MLLT10: variants seen among roughly 807,000 people sequenced by gnomAD.
MLLT10 encodes the protein protein AF-10.
MLLT10 carries 30 observed loss-of-function variants against 129.1 expected under a neutral mutation model. The ratio of observed to expected loss-of-function variants is 0.23; its 90% confidence interval spans 0.17 to 0.32. The LOEUF (loss-of-function observed/expected upper bound fraction) is 0.32, where lower values mean the gene tolerates loss of function less well. MLLT10 is among the 10% of genes least tolerant of loss of function. MLLT10 has a pLI of 1.00. For synonymous variants in MLLT10, 490 were observed against 446.4 expected (o/e 1.10, Z -1.23); for missense variants, 1,119 against 1,268.3 (o/e 0.88, Z 1.79).
Position 21,538,879 on chromosome 10 carries a change from G to A in MLLT10, c.207G>A (p.Arg69=). ...TACCCACTGGACCGTGGTTTTGCAG[G>A]AAATGTGAATCTCAGGAGAGAGCAG... is the stretch of plus-strand genomic sequence containing the variant. ...VQVPTGPWFC[R]KCESQERAAR... Residue 69 remains arginine (R), a synonymous_variant, in exon 3 of 23, where the codon AGG becomes AGA. Transcript: ENST00000307729. 6.2e-7 allele frequency: 1 copy of A among 1,613,610 alleles called. No individual in the cohort carries two copies. The highest frequency in any genetic ancestry group is 2.2e-5 in the East Asian group (1 of 44,878).
intron 16 of MLLT10, 55 bp from the exon 17 acceptor site, chr10:21,730,845 T>C: frequency 1.2e-6 from 2 of 1,602,152 alleles, no homozygotes; most frequent in African/African-American, 1.3e-5. Context: ...GGTAAGAAAC[T>C]GTACTCTCTT....
chr10:21,667,501 G>A (rs1325075452), intron 9 of MLLT10, among the ~76,000 whole-genome samples: 6 of 150,306 alleles, frequency 4.0e-5, no homozygotes, highest in African/African-American at 1.5e-4. Context: ...GGCTACTTAA[G>A]GTTGTTCTAC....
chr10:21,543,898 A>T (rs767123936), intron 3 of MLLT10, among the ~76,000 whole-genome samples: 1 of 152,206 alleles, frequency 6.6e-6, no homozygotes, highest in Admixed American at 6.5e-5. Flanking sequence ...TTTCACCCAG[A>T]AAGGGAATTG....
At chr10:21,632,660 T>C (rs2131270172) in intron 8 of MLLT10, among the ~76,000 whole-genome samples, 1 of 152,328 alleles carries the variant, frequency 6.6e-6, no homozygotes, top group Middle Eastern at 3.4e-3. Flanking sequence ...TTTGGGGGCA[T>C]AACACCAGTA....
At chr10:21,679,447 A>G (rs924649692) in intron 11 of MLLT10, among the ~76,000 whole-genome samples, 4 of 152,312 alleles carry the variant, frequency 2.6e-5, no homozygotes, top group South Asian at 2.1e-4. Context: ...CACTAAAACC[A>G]TCTTGTTATT....
chr10:21,672,621 T>G (rs1431854979), intron 10 of MLLT10, among the ~76,000 whole-genome samples: 1 of 152,082 alleles, frequency 6.6e-6, no homozygotes, highest in Non-Finnish European at 1.5e-5. Flanking sequence ...TCTTATATCT[T>G]AGAATGGTAT....
chr10:21,684,124 C>T (rs2053035955), intron 13 of MLLT10, among the ~76,000 whole-genome samples: 1 of 152,126 alleles, frequency 6.6e-6, no homozygotes, highest in South Asian at 2.1e-4. Flanking sequence ...GATCCTTCCA[C>T]CTCAGTCCCC....
chr10:21,671,767 A>G (rs2051432345), intron 10 of MLLT10, among the ~76,000 whole-genome samples: 1 of 152,170 alleles, frequency 6.6e-6, no homozygotes, highest in African/African-American at 2.4e-5. Context: ...CCTGGGTGAC[A>G]GAGTGAGACC....
chr10:21,538,992 G>C (rs2034594160), intron 3 of MLLT10, 80 bp downstream of exon 3: 1 of 956,176 alleles, frequency 1.0e-6, no homozygotes, highest in Non-Finnish European at 1.6e-6. Flanking sequence ...TGTGGTTTGT[G>C]GGGTTGTCAG....
chr10:21,588,722 C>T (rs1040810114), intron 4 of MLLT10, among the ~76,000 whole-genome samples: 4 of 151,860 alleles, frequency 2.6e-5, no homozygotes, highest in African/African-American at 7.3e-5. Flanking sequence ...AGTAGTTTTG[C>T]ATTTCTCTTA....
chr10:21,690,821 T>C (rs567070038), intron 13 of MLLT10, among the ~76,000 whole-genome samples: 1 of 152,244 alleles, frequency 6.6e-6, no homozygotes, highest in Admixed American at 6.5e-5. Context: ...TTCTTTATCG[T>C]TTTCAAAACT....
chr10:21,569,276 A>G (rs1279669869), intron 3 of MLLT10, among the ~76,000 whole-genome samples: 1 of 151,732 alleles, frequency 6.6e-6, no homozygotes, highest in Non-Finnish European at 1.5e-5. Context: ...TTTTTTTTGA[A>G]CATGATGTTG....
intron 13 of MLLT10, among the ~76,000 whole-genome samples, chr10:21,696,833 C>T (rs1480541528): frequency 6.6e-6 from 1 of 152,004 alleles, no homozygotes; most frequent in Non-Finnish European, 1.5e-5. Context: ...TCCCTGACTC[C>T]ACTCTGTTGT....
chr10:21,722,748 C>T (rs2057223009), intron 14 of MLLT10, among the ~76,000 whole-genome samples: 1 of 152,118 alleles, frequency 6.6e-6, no homozygotes, highest in African/African-American at 2.4e-5. Flanking sequence ...GGTACCCAGT[C>T]TTTCCGAAAG....
At chr10:21,715,135 C>T (rs181747366) in intron 14 of MLLT10, among the ~76,000 whole-genome samples, 12 of 152,278 alleles carry the variant, frequency 7.9e-5, no homozygotes, top group African/African-American at 9.6e-5. Context: ...TTTATGGATG[C>T]GTGCATAATT....
chr10:21,731,393 C>A (rs1036155835), intron 17 of MLLT10, among the ~76,000 whole-genome samples: 19 of 151,548 alleles, frequency 1.3e-4, no homozygotes, highest in African/African-American at 4.6e-4. Context: ...AATGTAAGGA[C>A]CACTGCCTGG....
chr10:21,560,383 A>C (rs1031834023), intron 3 of MLLT10, among the ~76,000 whole-genome samples: 1 of 152,208 alleles, frequency 6.6e-6, no homozygotes, highest in African/African-American at 2.4e-5. Flanking sequence ...ATGAAGGTTC[A>C]GTCTTTTTCC....
intron 15 of MLLT10, among the ~76,000 whole-genome samples, chr10:21,726,681 C>CT (rs35036202): frequency 0.014 from 1,206 of 87,624 alleles, 66 homozygotes; most frequent in African/African-American, 0.038. Flanking sequence ...TAGCAATGTC[C>CT]TTTTTTTTTT....
At chr10:21,632,455 C>G (rs948812851) in intron 8 of MLLT10, among the ~76,000 whole-genome samples, 3 of 152,064 alleles carry the variant, frequency 2.0e-5, no homozygotes, top group Non-Finnish European at 4.4e-5. Flanking sequence ...GTATTTATCA[C>G]CTGTGGCAAA....
Sources: allele counts gnomAD v4.1 joint callset (sites outside exome capture counted in the v4.1 genomes callset), GRCh38; gene constraint gnomAD v4.1.1; transcripts MANE v1.5; gene names NCBI Gene and HGNC (gene_info 2026-07-23, HGNC 2026-07-21).